The following CARMIL1 variants were observed in gnomAD, a reference collection of about 807,000 sequenced individuals.
The protein encoded by CARMIL1 is F-actin-uncapping protein LRRC16A.
In CARMIL1, 90 loss-of-function variants were observed where a neutral mutation model predicts 177.1. The ratio of observed to expected loss-of-function variants is 0.51; its 90% confidence interval spans 0.43 to 0.61. CARMIL1 has a LOEUF of 0.61. CARMIL1 is among the 20% of genes least tolerant of loss of function. The pLI, the probability that CARMIL1 is intolerant of heterozygous loss-of-function variation, is 0.00. For synonymous variants in CARMIL1, 577 were observed against 606.2 expected, an observed-to-expected ratio of 0.95 and a Z score of 0.71; for missense variants, 1,380 against 1,667.0, an observed-to-expected ratio of 0.83 and a Z score of 3.00.
chr6:25,533,830 A>C (rs995851112), intron 24 of CARMIL1, among the ~76,000 whole-genome samples: 1 of 151,962 alleles, frequency 6.6e-6, no homozygotes, highest in Non-Finnish European at 1.5e-5. Context: ...CTTTCCAGAG[A>C]GTCCTATCTT....
At chr6:25,429,440 T>TA (rs1796550135) in intron 4 of CARMIL1, among the ~76,000 whole-genome samples, 4 of 152,296 alleles carry the variant, frequency 2.6e-5, no homozygotes, top group African/African-American at 9.6e-5. Context: ...TAGGCTAACT[T>TA]ACTGGCCTAC....
chr6:25,477,103 C>G (rs1235649663), intron 11 of CARMIL1, among the ~76,000 whole-genome samples: 2 of 140,270 alleles, frequency 1.4e-5, no homozygotes, highest in Non-Finnish European at 3.1e-5. Context: ...AAAAAAAAAA[C>G]AAAAAACAAA....
At position 25,420,122 on chromosome 6, in the gene CARMIL1, A is replaced by G. The variant is rs41271807; in HGVS notation, c.147A>G (p.Thr49=). The change falls in exon 3 of 37, where the codon ACA becomes ACG. Residue 49 remains threonine, a synonymous_variant. Coordinates refer to ENST00000329474, the MANE Select transcript of CARMIL1 (RefSeq NM_017640.6). ...CTGCTTCTGTCTTACAGGTCCTTAC[A>G]TCATGCCGAGCCTTCCTTGTAACAG... The part of the protein sequence containing the change: ...DKVENKVLVL[T]SCRAFLVTAR... The G allele has an allele frequency of 6.2e-7, 1 of 1,611,606 alleles. No homozygotes were observed. The highest frequency in any genetic ancestry group is 8.5e-7 in the Non-Finnish European group (1 of 1,177,940).
At chr6:25,597,173 A>G (rs114646221) in intron 32 of CARMIL1, among the ~76,000 whole-genome samples, 3,106 of 152,152 alleles carry the variant, frequency 0.02, 85 homozygotes, top group African/African-American at 0.058. Context: ...AGGCTGACTC[A>G]CTTCATAACA....
At chr6:25,425,967 C>G (rs1796246336) in intron 3 of CARMIL1, among the ~76,000 whole-genome samples, 1 of 152,028 alleles carries the variant, frequency 6.6e-6, no homozygotes, top group Admixed American at 6.6e-5. Context: ...CAGAGTGTAA[C>G]AAATAGCTGA....
At chr6:25,440,757 T>C (rs537594510) in intron 5 of CARMIL1, among the ~76,000 whole-genome samples, 1 of 152,280 alleles carries the variant, frequency 6.6e-6, no homozygotes, top group African/African-American at 2.4e-5. Flanking sequence ...ATTCCACTCA[T>C]GATAAATTGG....
At chr6:25,517,695 G>C (rs301374) in intron 22 of CARMIL1, among the ~76,000 whole-genome samples, 65,802 of 151,986 alleles carry the variant, frequency 0.43, 14,653 homozygotes, top group Middle Eastern at 0.51. Flanking sequence ...GGCTGTGTGA[G>C]ACTTGCCTTG....
chr6:25,296,939 CTAA>C (rs1782442782), intron 2 of CARMIL1, among the ~76,000 whole-genome samples: 2 of 126,118 alleles, frequency 1.6e-5, no homozygotes, highest in African/African-American at 6.0e-5. Flanking sequence ...CTATCTTTAA[CTAA>C]CTAACTAACT....
chr6:25,511,578 T>G (rs546631797), intron 20 of CARMIL1, among the ~76,000 whole-genome samples: 1 of 152,360 alleles, frequency 6.6e-6, no homozygotes, highest in South Asian at 2.1e-4. Flanking sequence ...TAGCTACTTT[T>G]GTAGGTCATG....
chr6:25,451,569 G>A (rs530955406), intron 8 of CARMIL1, among the ~76,000 whole-genome samples: 1 of 152,290 alleles, frequency 6.6e-6, no homozygotes, highest in Non-Finnish European at 1.5e-5. Flanking sequence ...TTAGGGCTAT[G>A]GCTTGTGAGA....
Position 25,594,424 on chromosome 6 carries a change from G to A in CARMIL1, c.3016G>A (p.Ala1006Thr). The A allele has an allele frequency of 6.2e-7, 1 of 1,609,174 alleles. No homozygotes were observed. Among genetic ancestry groups the A allele is most frequent in the Admixed American group, 1.7e-5 (1 of 59,510 alleles). Residue 1006 changes from alanine to threonine, a missense_variant, in exon 32 of 37, where the codon GCC (alanine) becomes ACC (threonine). Coordinates refer to ENST00000329474, the MANE Select transcript of CARMIL1 (RefSeq NM_017640.6). ...QQPTQAAVCA[A>T]NIVSQDGEQN... ...TCTGTTTGTTTTGCAGGTCTGTGCTGCCAACATAGTCTCACAAGATGGTGA... is the reference window on the plus strand; with the variant it reads ...TCTGTTTGTTTTGCAGGTCTGTGCTACCAACATAGTCTCACAAGATGGTGA...
intron 1 of CARMIL1, among the ~76,000 whole-genome samples, chr6:25,280,587 GT>G (rs780841300): frequency 1.2e-3 from 166 of 139,486 alleles, no homozygotes; most frequent in Non-Finnish European, 1.3e-3. Flanking sequence ...GTACCTTGAG[GT>G]TTTTTTTTTT....
chr6:25,486,660 G>A (rs925335780), intron 12 of CARMIL1, among the ~76,000 whole-genome samples: 16 of 151,994 alleles, frequency 1.1e-4, no homozygotes, highest in African/African-American at 2.4e-4. Context: ...GCCACCATAC[G>A]TTTCTCTTAT....
chr6:25,589,245 G>A (rs1372854315), intron 31 of CARMIL1, among the ~76,000 whole-genome samples: 1 of 152,146 alleles, frequency 6.6e-6, no homozygotes, highest in African/African-American at 2.4e-5. Context: ...TTACTGTATA[G>A]CTTGAACTTA....
intron 2 of CARMIL1, among the ~76,000 whole-genome samples, chr6:25,325,175 C>T (rs897781246): frequency 2.6e-5 from 4 of 151,948 alleles, no homozygotes; most frequent in African/African-American, 7.3e-5. Flanking sequence ...GATTAAAGGC[C>T]GTTTTCTCAT....
intron 29 of CARMIL1, among the ~76,000 whole-genome samples, chr6:25,576,214 A>G (rs188999084): frequency 3.9e-5 from 6 of 152,292 alleles, no homozygotes; most frequent in Admixed American, 3.9e-4. Context: ...AATTTTAAGA[A>G]TTATTTAGAG....
rs10484590 is a variant in CARMIL1, at chr6:25,594,289, C to T, written c.3007-126C>T. On this transcript the variant is annotated intron_variant, in intron 31 of 36. Transcript: ENST00000329474. ...ATATGGCTTCTATTCCTGTAGATTACGTGGTCCCTATTTTAGTGAGCCTTG... is the reference window on the plus strand; with the variant it reads ...ATATGGCTTCTATTCCTGTAGATTATGTGGTCCCTATTTTAGTGAGCCTTG... The T allele has an allele frequency of 1.8e-3, 1,080 of 589,566 alleles. 13 individuals carry two copies. Among genetic ancestry groups the T allele is most frequent in the African/African-American group, 0.017 (890 of 53,432 alleles). The allele number at this position is 589,566 out of a possible 1,614,324, so 36.5% of individuals were successfully genotyped here.
At chr6:25,518,131 G>A (rs947761039) in intron 22 of CARMIL1, among the ~76,000 whole-genome samples, 9 of 152,168 alleles carry the variant, frequency 5.9e-5, no homozygotes, top group South Asian at 2.1e-4. Flanking sequence ...CATAGAAGCC[G>A]TTTCCCTGGG....
In CARMIL1 at chr6:25,577,052, C is replaced by G; in HGVS notation, c.2743-3872C>G. ...CTGTACTACTTTATATTCTTGTGCTCCATTTGCTTCTGTGCTGCCTGGCTG... is the reference window on the plus strand; with the variant it reads ...CTGTACTACTTTATATTCTTGTGCTGCATTTGCTTCTGTGCTGCCTGGCTG... On this transcript the variant is annotated intron_variant, in intron 29 of 36. Coordinates refer to ENST00000329474, the MANE Select transcript of CARMIL1 (RefSeq NM_017640.6). This position sits in a 1 kb window ranked among gnomAD's most constrained non-coding sequence, Gnocchi z 4.5. 1.0e-6 allele frequency: 1 copy of G among 985,182 alleles called. No homozygotes were observed. The highest frequency in any genetic ancestry group is 1.2e-6 in the Non-Finnish European group (1 of 829,846). 61.0% of individuals were successfully genotyped at this position (985,182 alleles called of 1,614,324 possible).
Sources: allele counts gnomAD v4.1 joint callset (sites outside exome capture counted in the v4.1 genomes callset), GRCh38; gene constraint gnomAD v4.1.1; non-coding constraint Gnocchi (gnomAD v3.1); transcripts MANE v1.5; gene names NCBI Gene and HGNC (gene_info 2026-07-23, HGNC 2026-07-21).